Variants in LNX2 observed in about 807,000 individuals in gnomAD.
The protein encoded by LNX2 is ligand of Numb protein X 2.
In LNX2, 35 loss-of-function variants were observed where a neutral mutation model predicts 66.2. The ratio of observed to expected loss-of-function variants is 0.53; its 90% CI spans 0.40 to 0.70. The LOEUF (loss-of-function observed/expected upper bound fraction) is 0.70. Among genes scored for constraint, LNX2 ranks in the 30% least tolerant of loss-of-function variants. LNX2 has a pLI of 0.00. For missense variants in LNX2, 791 were observed against 850.8 expected (o/e 0.93, Z 0.87); for synonymous variants, 337 against 315.6 (o/e 1.07, Z -0.72).
intron 1 of LNX2, among the ~76,000 whole-genome samples, chr13:27,593,626 G>C (rs1025297149): frequency 7.1e-6 from 1 of 141,824 alleles, no homozygotes; most frequent in African/African-American, 2.6e-5. Flanking sequence ...GGAGTGCAAT[G>C]GTGCAATCCT....
At chr13:27,611,351 A>G (rs1256739246) in intron 1 of LNX2, among the ~76,000 whole-genome samples, 1 of 152,222 alleles carries the variant, frequency 6.6e-6, no homozygotes, top group Non-Finnish European at 1.5e-5. Flanking sequence ...CAAGTCACAC[A>G]AAAAAAGACA....
At chr13:27,604,828 GTATTAT>G (rs36043910) in intron 1 of LNX2, among the ~76,000 whole-genome samples, 1 of 148,510 alleles carries the variant, frequency 6.7e-6, no homozygotes, top group Admixed American at 6.7e-5. Flanking sequence ...CTATTGAATT[GTATTAT>G]TATTAAGTTA....
intron 9 of LNX2, among the ~76,000 whole-genome samples, chr13:27,549,697 C>T (rs1332692876): frequency 1.3e-5 from 2 of 152,230 alleles, no homozygotes; most frequent in African/African-American, 2.4e-5. Context: ...TAGCACCGCG[C>T]CAGGCATCCT....
intron 1 of LNX2, among the ~76,000 whole-genome samples, chr13:27,591,069 G>C (rs1449541694): frequency 6.6e-6 from 1 of 152,090 alleles, no homozygotes; most frequent in East Asian, 1.9e-4. Flanking sequence ...GTCAGACCTT[G>C]AAGAGCCATA....
chr13:27,596,367 C>A (rs911030503), intron 1 of LNX2, among the ~76,000 whole-genome samples: 1 of 151,992 alleles, frequency 6.6e-6, no homozygotes, highest in African/African-American at 2.4e-5. Flanking sequence ...GAGATGTAAA[C>A]AAATATACAG....
At chr13:27,571,478 A>G (rs905650691) in intron 2 of LNX2, among the ~76,000 whole-genome samples, 1 of 152,224 alleles carries the variant, frequency 6.6e-6, no homozygotes, top group African/African-American at 2.4e-5. Flanking sequence ...TAGACACTCA[A>G]AACCGTGTAT....
At chr13:27,571,870 C>G (rs1955284871) in intron 2 of LNX2, among the ~76,000 whole-genome samples, 1 of 152,128 alleles carries the variant, frequency 6.6e-6, no homozygotes, top group Admixed American at 6.5e-5. Flanking sequence ...CTAATTTGTG[C>G]CAATTACTTA....
At chr13:27,594,373 T>A (rs1955574906) in intron 1 of LNX2, among the ~76,000 whole-genome samples, 1 of 152,102 alleles carries the variant, frequency 6.6e-6, no homozygotes, top group Non-Finnish European at 1.5e-5. Context: ...TAATCACCTC[T>A]CCCAAGCCTC....
In LNX2 at chr13:27,546,036, C is replaced by T. The variant is rs1954933816; in HGVS notation, c.*2299G>A. The T allele has an allele frequency of 6.6e-6, 1 of 152,074 alleles. No individual in the cohort carries two copies. Among genetic ancestry groups the T allele is most frequent in the Admixed American group, 6.5e-5 (1 of 15,278 alleles). 9.4% of individuals were successfully genotyped at this position (152,074 alleles called of 1,614,324 possible). The stretch of plus-strand genomic sequence containing the variant: ...AAACCAAAATATTTAACTATCAGAA[C>T]TAAAAATGAGAAAATCCAAATAGTT... On this transcript the variant is annotated 3_prime_UTR_variant, in exon 10 of 10. Transcript: ENST00000316334.
At position 27,546,739 on chromosome 13, in the gene LNX2, A is replaced by C. The variant is rs1188257985; in HGVS notation, c.*1596T>G. ...TGATTATCAATACCATTTATTACAG[A>C]GGTCACTTGTAAATTTGCTCAGATT... On this transcript the variant is annotated 3_prime_UTR_variant, in exon 10 of 10. Coordinates refer to ENST00000316334, the MANE Select transcript of LNX2 (RefSeq NM_153371.4). 6.6e-6 allele frequency: 1 copy of C among 152,194 alleles called. No individual in the cohort carries two copies. Among genetic ancestry groups the C allele is most frequent in the Non-Finnish European group, 1.5e-5 (1 of 68,028 alleles). The allele number at this position is 152,194 out of a possible 1,614,324, so 9.4% of individuals were successfully genotyped here.
At chr13:27,567,610 A>G (rs34462757) in intron 4 of LNX2, 30 bp downstream of exon 4, 12 of 1,594,822 alleles carry the variant, frequency 7.5e-6, no homozygotes, top group Non-Finnish European at 1.0e-5. Flanking sequence ...ACAAAAAGGC[A>G]CAAGTTAACA....
chr13:27,613,327 G>C (rs1240332675), intron 1 of LNX2, among the ~76,000 whole-genome samples: 1 of 152,154 alleles, frequency 6.6e-6, no homozygotes. Context: ...TGCTGTGAGG[G>C]GGAGGGGGCA....
intron 1 of LNX2, among the ~76,000 whole-genome samples, chr13:27,613,359 T>C (rs1336035131): frequency 1.3e-5 from 2 of 151,960 alleles, no homozygotes; most frequent in Non-Finnish European, 2.9e-5. Flanking sequence ...AGTGTGGGTA[T>C]TGAGAGAGCT....
At chr13:27,619,964 G>C (rs547997915) in intron 1 of LNX2, among the ~76,000 whole-genome samples, 2 of 152,248 alleles carry the variant, frequency 1.3e-5, no homozygotes, top group Non-Finnish European at 2.9e-5. Context: ...AAGGCAGCTA[G>C]TGCCACTCTC....
chr13:27,618,874 A>G (rs536094750), intron 1 of LNX2, among the ~76,000 whole-genome samples: 2 of 152,180 alleles, frequency 1.3e-5, no homozygotes, highest in Non-Finnish European at 2.9e-5. Flanking sequence ...ACCAATCTGA[A>G]GACTAAGTGC....
intron 2 of LNX2, among the ~76,000 whole-genome samples, chr13:27,570,206 C>T (rs1352134385): frequency 6.6e-6 from 1 of 152,078 alleles, no homozygotes; most frequent in Non-Finnish European, 1.5e-5. Context: ...ATACCTGAGG[C>T]CTACCACGAC....
rs193025840 is a variant in LNX2 at position 27,588,100 on chromosome 13, A to G, written c.-100-6297T>C. The stretch of plus-strand genomic sequence containing the variant: ...TTCAGAACCCTTTTATCCACTCTGG[A>G]CAAGTTTGGCAGTTTCCTTAAAAAA... On this transcript the variant is annotated intron_variant, in intron 1 of 9. Transcript: ENST00000316334. Among the ~76,000 whole-genome samples, 27 of 151,308 alleles carry G rather than the reference A, an allele frequency of 1.8e-4. No homozygotes were observed. In the East Asian group the frequency reaches 4.7e-3, roughly 26 times the overall value.
intron 1 of LNX2, among the ~76,000 whole-genome samples, chr13:27,616,492 T>C (rs1349238381): frequency 1.3e-5 from 2 of 152,226 alleles, no homozygotes; most frequent in African/African-American, 4.8e-5. Flanking sequence ...TCTCTCAGGT[T>C]AAATTTTAAA....
In LNX2 at chr13:27,569,193, C is replaced by A. The variant is rs764852208; in HGVS notation, c.491G>T (p.Gly164Val). 9.3e-6 allele frequency: 15 copies of A among 1,612,566 alleles called. No individual in the cohort carries two copies. Among genetic ancestry groups the A allele is most frequent in the Non-Finnish European group, 9.3e-6 (11 of 1,179,440 alleles). ...RTQAEIENEN[G>V]PTLLDPAGTL... ...ACCTGCAGGATCTAGTAGAGTGGGC[C>A]CATTTTCATTCTCAATCTCTGCTTG... is the stretch of plus-strand genomic sequence containing the variant. The change falls in exon 3 of 10, where the codon GGG becomes GTG. Residue 164 changes from glycine (G) to valine (V), a missense_variant. Coordinates refer to ENST00000316334, the MANE Select transcript of LNX2 (RefSeq NM_153371.4).
Sources: allele counts gnomAD v4.1 joint callset (sites outside exome capture counted in the v4.1 genomes callset), GRCh38; gene constraint gnomAD v4.1.1; transcripts MANE v1.5; gene names NCBI Gene and HGNC (gene_info 2026-07-23, HGNC 2026-07-21).